Variants in ROBO2 observed in about 807,000 individuals in gnomAD.
ROBO2 encodes the protein roundabout guidance receptor 2, also known as roundabout homolog 2.
A neutral mutation model predicts 160.8 loss-of-function variants in ROBO2; 53 were observed. That is an observed-to-expected ratio of 0.33 (90% CI 0.26 to 0.41). ROBO2 has a LOEUF of 0.41. Among genes scored for constraint, ROBO2 ranks in the 10% least tolerant of loss-of-function variants. The pLI, the probability that ROBO2 is intolerant of heterozygous loss-of-function variation, is 1.00. For synonymous variants in ROBO2, 664 were observed against 611.7 expected (o/e 1.09, Z -1.26); for missense variants, 1,577 against 1,722.4 (o/e 0.92, Z 1.49).
At chr3:76,744,671 C>G (rs538124066) in intron 2 of ROBO2, among the ~76,000 whole-genome samples, 1 of 152,004 alleles carries the variant, frequency 6.6e-6, no homozygotes, top group African/African-American at 2.4e-5. Context: ...AAGAATTGAC[C>G]GCTTTTGAGG....
intron 2 of ROBO2, among the ~76,000 whole-genome samples, chr3:76,713,316 A>C (rs1035447600): frequency 5.9e-5 from 9 of 152,324 alleles, no homozygotes; most frequent in African/African-American, 1.7e-4. Flanking sequence ...TCTTTGAATT[A>C]AAAGTCAAAT....
At chr3:76,252,756 TATAC>T (rs201731252) in intron 2 of ROBO2, among the ~76,000 whole-genome samples, 52,837 of 137,678 alleles carry the variant, frequency 0.38, 11,384 homozygotes, top group Non-Finnish European at 0.49. Context: ...CATGTATATG[TATAC>T]ACACACACAC....
intron 23 of ROBO2, chr3:77,633,158 T>A (rs548266579): frequency 2.0e-5 from 3 of 152,212 alleles, no homozygotes; most frequent in Admixed American, 2.0e-4. Flanking sequence ...ATCTTTTTAA[T>A]TGTTTGGCTA....
intron 2 of ROBO2, among the ~76,000 whole-genome samples, chr3:76,188,610 C>T (rs1445866694): frequency 2.6e-5 from 4 of 152,030 alleles, no homozygotes; most frequent in Non-Finnish European, 5.9e-5. Context: ...TGGTACTTTG[C>T]TACGGAAGCC....
intron 2 of ROBO2, among the ~76,000 whole-genome samples, chr3:77,374,169 C>CAAAAAAAAAAAAAAAAAAAAAA (rs60357417): frequency 2.5e-5 from 1 of 40,092 alleles, no homozygotes; most frequent in African/African-American, 1.5e-4. Flanking sequence ...GAGACTCCAT[C>CAAAAAAAAAAAAAAAAAAAAAA]AAAAAAAAAA....
chr3:77,231,331 C>G (rs1053823648), intron 2 of ROBO2, among the ~76,000 whole-genome samples: 1 of 143,448 alleles, frequency 7.0e-6, no homozygotes, highest in African/African-American at 2.7e-5. Flanking sequence ...CCACTGTACT[C>G]CAGCCTGGGC....
At chr3:77,195,067 T>C (rs17015072) in intron 2 of ROBO2, among the ~76,000 whole-genome samples, 8,476 of 152,182 alleles carry the variant, frequency 0.056, 320 homozygotes, top group African/African-American at 0.1. Context: ...ATGAGAGAAA[T>C]GTGGTGTTGC....
At chr3:76,130,118 T>G (rs2071169144) in intron 2 of ROBO2, among the ~76,000 whole-genome samples, 1 of 152,078 alleles carries the variant, frequency 6.6e-6, no homozygotes, top group African/African-American at 2.4e-5. Context: ...GAGATGGGAA[T>G]TTTCATATAT....
At chr3:76,148,312 T>C (rs535635016) in intron 2 of ROBO2, among the ~76,000 whole-genome samples, 2 of 152,162 alleles carry the variant, frequency 1.3e-5, no homozygotes, top group South Asian at 4.1e-4. Context: ...CCCCTAGATA[T>C]ACACCATCTA....
chr3:77,157,778 T>C (rs559107572), intron 2 of ROBO2, among the ~76,000 whole-genome samples: 11 of 152,218 alleles, frequency 7.2e-5, no homozygotes, highest in Admixed American at 4.6e-4. Flanking sequence ...ACTGTTTCTA[T>C]ATTAGAGATT....
At chr3:76,544,163 T>C (rs543112886) in intron 2 of ROBO2, among the ~76,000 whole-genome samples, 2 of 152,166 alleles carry the variant, frequency 1.3e-5, no homozygotes, top group Admixed American at 1.3e-4. Flanking sequence ...TTTCTTCATG[T>C]CCTAAAGAGT....
At chr3:76,423,096 G>A (rs780777192) in intron 2 of ROBO2, among the ~76,000 whole-genome samples, 30 of 152,170 alleles carry the variant, frequency 2.0e-4, no homozygotes, top group Non-Finnish European at 2.9e-4. Context: ...GATGGCAAGT[G>A]CAGGTGAGTT....
intron 2 of ROBO2, among the ~76,000 whole-genome samples, chr3:77,130,584 G>A (rs911220873): frequency 2.0e-4 from 31 of 152,256 alleles, no homozygotes; most frequent in African/African-American, 7.5e-4. Flanking sequence ...CTGATATTTA[G>A]CACAGGCATC....
At chr3:76,423,141 T>C (rs2076063934) in intron 2 of ROBO2, among the ~76,000 whole-genome samples, 1 of 152,180 alleles carries the variant, frequency 6.6e-6, no homozygotes, top group Admixed American at 6.6e-5. Context: ...GGTTAGGTTC[T>C]TCTATTTTCT....
chr3:77,471,338 T>C (rs1036923833), intron 2 of ROBO2, among the ~76,000 whole-genome samples: 13 of 152,172 alleles, frequency 8.5e-5, no homozygotes, highest in African/African-American at 2.9e-4. Flanking sequence ...GAGCCAAAGA[T>C]ATAAGCTCTA....
At chr3:76,935,609 T>G (rs1415924623) in intron 2 of ROBO2, among the ~76,000 whole-genome samples, 1 of 123,482 alleles carries the variant, frequency 8.1e-6, no homozygotes, top group East Asian at 2.5e-4. Flanking sequence ...TTTCTCATAG[T>G]TCTAGAGGCT....
intron 2 of ROBO2, among the ~76,000 whole-genome samples, chr3:76,482,086 C>A (rs1268232819): frequency 2.0e-5 from 3 of 152,070 alleles, no homozygotes; most frequent in Non-Finnish European, 4.4e-5. Flanking sequence ...TGAATAGGAG[C>A]TGCCAGAAAA....
At chr3:76,492,418 T>C (rs1470506318) in intron 2 of ROBO2, among the ~76,000 whole-genome samples, 1 of 152,158 alleles carries the variant, frequency 6.6e-6, no homozygotes. Flanking sequence ...CATGGTCCAG[T>C]TGCTTTCTAG....
chr3:76,353,860 T>C (rs2075014699), intron 2 of ROBO2, among the ~76,000 whole-genome samples: 1 of 151,928 alleles, frequency 6.6e-6, no homozygotes, highest in Admixed American at 6.6e-5. Flanking sequence ...AGACTTTCTT[T>C]GCATAACAAC....
Sources: gnomAD v4.1 joint callset for allele counts (sites outside exome capture counted in the v4.1 genomes callset) on GRCh38, gnomAD v4.1.1 for gene constraint, MANE v1.5 for transcripts, NCBI Gene and HGNC (gene_info 2026-07-23, HGNC 2026-07-21) for gene names.